MTMR10: variants seen among roughly 807,000 people sequenced by gnomAD.
MTMR10 encodes the protein myotubularin-related protein 10.
A neutral mutation model predicts 88.1 loss-of-function variants in MTMR10; 56 were observed. That is an observed-to-expected ratio of 0.64 (90% CI 0.51 to 0.79). MTMR10 has a LOEUF of 0.79. Ranked by LOEUF, MTMR10 falls within the 30% of genes least tolerant of loss-of-function variation. The pLI, the probability that MTMR10 is intolerant of heterozygous loss-of-function variation, is 0.00. For synonymous variants in MTMR10, 380 were observed against 340.9 expected, an observed-to-expected ratio of 1.11 and a Z score of -1.26; for missense variants, 883 against 924.7, an observed-to-expected ratio of 0.95 and a Z score of 0.58.
rs2062966015 is a variant in MTMR10, at chr15:30,939,502, C to G, written c.*1968G>C. 1 of 983,412 alleles carries G rather than the reference C, an allele frequency of 1.0e-6. No homozygotes were observed. The highest frequency in any genetic ancestry group is 1.1e-4 in the East Asian group (1 of 8,800). 60.9% of individuals were successfully genotyped at this position (983,412 alleles called of 1,614,324 possible). A position where few individuals can be genotyped will look rare whatever the true frequency, so the allele number is the denominator to read the frequency against. Reference sequence around the variant, plus strand: ...ATATTATGCACAATAAACTGTAGCACAATAATCATGATATAACAACTGTCC... The same window carrying G: ...ATATTATGCACAATAAACTGTAGCAGAATAATCATGATATAACAACTGTCC... On this transcript the variant is annotated 3_prime_UTR_variant, in exon 16 of 16. Coordinates refer to ENST00000435680, the MANE Select transcript of MTMR10 (RefSeq NM_017762.3).
At position 30,939,257 on chromosome 15, in the gene MTMR10, T is replaced by C. The variant is rs150796304; in HGVS notation, c.*2213A>G. The stretch of plus-strand genomic sequence containing the variant: ...ATCATAAAATAACAGCAAGACACTG[T>C]ACACCTTTACGTTCAATACTAGAAA... On this transcript the variant is annotated 3_prime_UTR_variant, in exon 16 of 16. Coordinates refer to ENST00000435680, the MANE Select transcript of MTMR10 (RefSeq NM_017762.3). 9.2e-3 allele frequency: 9,021 copies of C among 985,480 alleles called. 53 individuals carry two copies. The highest frequency in any genetic ancestry group is 0.01 in the Non-Finnish European group (8,535 of 829,932). 61.0% of individuals were successfully genotyped at this position (985,480 alleles called of 1,614,324 possible). A position where few individuals can be genotyped will look rare whatever the true frequency, so the allele number is the denominator to read the frequency against.
At chr15:30,972,630 G>C (rs959892930) in intron 5 of MTMR10, among the ~76,000 whole-genome samples, 6 of 152,100 alleles carry the variant, frequency 3.9e-5, no homozygotes, top group Non-Finnish European at 8.8e-5. Flanking sequence ...TCAACTATTT[G>C]TGTAGTTGAT....
rs74918724 is a variant in MTMR10, at chr15:30,940,985, C to G, written c.*485G>C. ...AATCATAAATTCTGGCCCCAGAACA[C>G]TGAACCTTCATCAGGTGAGTTCAAT... On this transcript the variant is annotated 3_prime_UTR_variant, in exon 16 of 16. Transcript: ENST00000435680. 2.8e-4 allele frequency: 315 copies of G among 1,131,472 alleles called. 5 individuals carry two copies. The East Asian group carries it at 0.016, about 57-fold the overall frequency. The allele number at this position is 1,131,472 out of a possible 1,614,324, so 70.1% of individuals were successfully genotyped here.
rs201801852 is a variant in MTMR10 at position 30,941,776 on chromosome 15, G to A, written c.2028C>T (p.Ile676=). Residue 676 remains isoleucine, a synonymous_variant, in exon 16 of 16, where the codon ATC becomes ATT. Coordinates refer to ENST00000435680, the MANE Select transcript of MTMR10 (RefSeq NM_017762.3). ...GGAGGGAGAGCTTGTGAAAGGCTGT[G>A]ATGGAGCCACCCAGGCTGATCTGGG... The part of the protein sequence containing the change: ...PEAQISLGGS[I]TAFHKLSLLA... 1 of 1,614,002 alleles carries A rather than the reference G, an allele frequency of 6.2e-7. No individual in the cohort carries two copies. The highest frequency in any genetic ancestry group is 1.3e-5 in the African/African-American group (1 of 75,060).
At position 30,941,918 on chromosome 15, in the gene MTMR10, T is replaced by C. The variant is rs373673245; in HGVS notation, c.1886A>G (p.Gln629Arg). 1 of 1,614,066 alleles carries C rather than the reference T, an allele frequency of 6.2e-7. No homozygotes were observed. The highest frequency in any genetic ancestry group is 1.1e-5 in the South Asian group (1 of 91,084). ...TTTGGAAAACCATTCTCTAAAATAC[T>C]GCTCCGTATCACTGTTCTGGCTGTC... ...QTDSQNSDTE[Q>R]YFREWFSKPA... The change falls in exon 16 of 16, where the codon CAG (glutamine) becomes CGG (arginine). Residue 629 changes from glutamine to arginine, a missense_variant. Physicochemically the swap from Gln to Arg is conservative, Grantham distance 43. Coordinates refer to ENST00000435680, the MANE Select transcript of MTMR10 (RefSeq NM_017762.3).
intron 2 of MTMR10, among the ~76,000 whole-genome samples, chr15:30,988,354 T>C (rs2031088213): frequency 6.6e-6 from 1 of 152,148 alleles, no homozygotes. Flanking sequence ...AACAGAATGC[T>C]GGGTGATAGA....
At position 30,944,857 on chromosome 15, in the gene MTMR10, C is replaced by T. The variant is rs58964067; in HGVS notation, c.1549-1785G>A. ...GAAACCCTGACTCTACAAAAAAATA[C>T]AAAAATTAGCTAGGCGTGGTGGCAT... On this transcript the variant is annotated intron_variant, in intron 14 of 15. Transcript: ENST00000435680. Among the ~76,000 whole-genome samples, 339 of 151,908 alleles carry T rather than the reference C, an allele frequency of 2.2e-3. 5 individuals carry two copies. Among genetic ancestry groups the T allele is most frequent in the African/African-American group, 8.0e-3 (330 of 41,406 alleles).
intron 5 of MTMR10, 127 bp from the exon 6 acceptor site, chr15:30,968,137 C>G: frequency 1.6e-6 from 1 of 620,858 alleles, no homozygotes; most frequent in Non-Finnish European, 2.7e-6. Context: ...ACATGTTTTT[C>G]TGTTGACCTA....
intron 6 of MTMR10, among the ~76,000 whole-genome samples, chr15:30,964,532 T>A (rs1055055456): frequency 1.3e-5 from 2 of 152,252 alleles, no homozygotes; most frequent in Non-Finnish European, 2.9e-5. Flanking sequence ...CTTTTATATG[T>A]TCTATATCAT....
At chr15:30,991,401 G>A (rs767281022) in intron 1 of MTMR10, 46 bp downstream of exon 1, 1 of 1,431,342 alleles carries the variant, frequency 7.0e-7, no homozygotes, top group Non-Finnish European at 9.2e-7. Flanking sequence ...GAGGCTCCAC[G>A]GAAGCGCAGA....
At chr15:30,957,041 T>C (rs1346351159) in intron 9 of MTMR10, among the ~76,000 whole-genome samples, 1 of 152,148 alleles carries the variant, frequency 6.6e-6, no homozygotes, top group Non-Finnish European at 1.5e-5. Context: ...CTTCAGTGAA[T>C]ATGGCTCTGT....
intron 14 of MTMR10, chr15:30,946,451 C>T (rs1000971742): frequency 9.7e-5 from 32 of 331,220 alleles, no homozygotes; most frequent in African/African-American, 6.5e-4. Flanking sequence ...AGGTTTCCCG[C>T]TCCCTAGGTC....
chr15:30,925,253 C>T, the MTMR10 span: 6 of 1,614,064 alleles, frequency 3.7e-6, no homozygotes, highest in East Asian at 2.2e-5. Context: ...GCACCTCTTC[C>T]AGCAGCTCCC....
chr15:30,991,321 A>G (rs2141083343), intron 1 of MTMR10, 126 bp downstream of exon 1: 1 of 991,030 alleles, frequency 1.0e-6, no homozygotes, highest in East Asian at 3.0e-5. Flanking sequence ...GGAATCAGGC[A>G]GCCGCGCTGC....
intron 2 of MTMR10, among the ~76,000 whole-genome samples, chr15:30,989,926 T>C (rs2031200266): frequency 6.6e-6 from 1 of 152,170 alleles, no homozygotes; most frequent in Non-Finnish European, 1.5e-5. Context: ...ATCTGGCTAC[T>C]TCCCCTAATA....
chr15:30,977,600 A>C (rs2030251763), intron 2 of MTMR10, among the ~76,000 whole-genome samples: 1 of 152,232 alleles, frequency 6.6e-6, no homozygotes, highest in African/African-American at 2.4e-5. Context: ...AAGCTTGGTC[A>C]TCATTAAACC....
the MTMR10 span, chr15:30,925,776 G>A: frequency 6.2e-7 from 1 of 1,613,842 alleles, no homozygotes; most frequent in East Asian, 2.2e-5. Context: ...ATGTTATTCT[G>A]CTGCTGTTTC....
At position 30,959,116 on chromosome 15, in the gene MTMR10, G is replaced by C; in HGVS notation, c.764C>G (p.Pro255Arg). 6.3e-7 allele frequency: 1 copy of C among 1,575,880 alleles called. No individual in the cohort carries two copies. The highest frequency in any genetic ancestry group is 8.6e-7 in the Non-Finnish European group (1 of 1,161,994). The change falls in exon 8 of 16, where the codon CCA becomes CGA. Residue 255 changes from proline (P) to arginine (R), a missense_variant. By Grantham distance (103) the Pro-to-Arg change is moderately radical (BLOSUM62 -2). This residue lies in a region of MTMR10 where 414 missense variants were observed against 423.2 expected (regional missense o/e 0.98). Transcript: ENST00000435680. ...NEGYMISTCL[P>R]EYIVVPSSLA... Reference sequence around the variant, plus strand: ...AGAACTTGGCACTACAATGTATTCTGGAAGGCTGGAGGGGAAAAAAAAAAT... The same window carrying C: ...AGAACTTGGCACTACAATGTATTCTCGAAGGCTGGAGGGGAAAAAAAAAAT...
chr15:30,924,687 C>A, the MTMR10 span, among the ~76,000 whole-genome samples: 2 of 152,158 alleles, frequency 1.3e-5, no homozygotes, highest in South Asian at 4.1e-4. Context: ...ATGAGATTGA[C>A]CTGGCGCTTT....
Sources: gnomAD v4.1 joint callset for allele counts (sites outside exome capture counted in the v4.1 genomes callset) on GRCh38, gnomAD v4.1.1 for gene constraint, gnomAD v4.1.1 regional missense constraint, MANE v1.5 for transcripts, NCBI Gene and HGNC (gene_info 2026-07-23, HGNC 2026-07-21) for gene names.